SETBP1: variants seen among roughly 807,000 people sequenced by gnomAD.
SETBP1 encodes the protein SET-binding protein.
Under a neutral mutation model 101.0 loss-of-function variants are expected in SETBP1, and 9 were observed. The observed-to-expected ratio is 0.09, with a 90% CI of 0.05 to 0.16. SETBP1 has a LOEUF of 0.16. SETBP1 is among the 10% of genes least tolerant of loss of function. SETBP1 has a pLI of 1.00. For missense variants in SETBP1, 1,858 were observed against 2,033.8 expected, an observed-to-expected ratio of 0.91 and a Z score of 1.66; for synonymous variants, 818 against 788.5, an observed-to-expected ratio of 1.04 and a Z score of -0.63.
At chr18:45,029,190 G>A (rs1214202473) in intron 4 of SETBP1, among the ~76,000 whole-genome samples, 4 of 152,052 alleles carry the variant, frequency 2.6e-5, no homozygotes, top group Admixed American at 6.6e-5. Context: ...ATTTTTGTAT[G>A]TGGTGTAAGG....
intron 2 of SETBP1, among the ~76,000 whole-genome samples, chr18:44,745,471 C>T (rs2070217919): frequency 6.6e-6 from 1 of 151,930 alleles, no homozygotes. Context: ...AGTTTCTTCA[C>T]CAGAAAAAAA....
chr18:44,711,978 C>A (rs1469029252), intron 2 of SETBP1, among the ~76,000 whole-genome samples: 1 of 152,172 alleles, frequency 6.6e-6, no homozygotes, highest in Non-Finnish European at 1.5e-5. Flanking sequence ...CCTGCCTGCC[C>A]CTTCTTCCCT....
chr18:44,874,515 G>A (rs1289694231), intron 3 of SETBP1, among the ~76,000 whole-genome samples: 1 of 152,210 alleles, frequency 6.6e-6, no homozygotes, highest in Non-Finnish European at 1.5e-5. Flanking sequence ...GGGGAATGAA[G>A]GTGGGCTGAG....
At chr18:44,762,547 T>C (rs950627629) in intron 2 of SETBP1, among the ~76,000 whole-genome samples, 4 of 152,210 alleles carry the variant, frequency 2.6e-5, no homozygotes, top group African/African-American at 9.7e-5. Context: ...TATATAGTAT[T>C]ATCTCAATGG....
At chr18:44,982,142 T>C (rs2072128016) in intron 4 of SETBP1, among the ~76,000 whole-genome samples, 1 of 152,248 alleles carries the variant, frequency 6.6e-6, no homozygotes, top group Non-Finnish European at 1.5e-5. Context: ...TCACCATTTG[T>C]GGTTTCACAG....
At chr18:44,846,067 A>G (rs1372952524) in intron 2 of SETBP1, among the ~76,000 whole-genome samples, 3 of 152,196 alleles carry the variant, frequency 2.0e-5, no homozygotes, top group Non-Finnish European at 4.4e-5. Flanking sequence ...ATGGAAAACC[A>G]CATTCTTACC....
In SETBP1 at chr18:44,685,407, G is replaced by A. The variant is rs138706574; in HGVS notation, c.-173+4386G>A. ...AAGGCCAGATAAGCATTTTATCTCC[G>A]TTTAGAGGATGAGGCAACTGATACA... On this transcript the variant is annotated intron_variant, in intron 1 of 5. Coordinates refer to ENST00000649279, the MANE Select transcript of SETBP1 (RefSeq NM_015559.3). Among the ~76,000 whole-genome samples the A allele has an allele frequency of 2.3e-3, 346 of 152,216 alleles. 1 individual carries two copies. Among genetic ancestry groups the A allele is most frequent in the African/African-American group, 7.8e-3 (322 of 41,518 alleles).
intron 2 of SETBP1, among the ~76,000 whole-genome samples, chr18:44,783,359 A>G (rs1158605759): frequency 5.3e-5 from 8 of 152,198 alleles, no homozygotes; most frequent in Admixed American, 5.2e-4. Context: ...TATTTCCATT[A>G]TAATCTGGGG....
chr18:44,937,219 G>C (rs376254997), intron 3 of SETBP1, among the ~76,000 whole-genome samples: 3 of 151,934 alleles, frequency 2.0e-5, no homozygotes, highest in African/African-American at 7.2e-5. Flanking sequence ...TTGGGAGGCC[G>C]AGGCGGGCGG....
chr18:44,946,172 C>T (rs909973166), intron 3 of SETBP1, among the ~76,000 whole-genome samples: 1 of 152,206 alleles, frequency 6.6e-6, no homozygotes, highest in Non-Finnish European at 1.5e-5. Context: ...TCTTAAAGCA[C>T]CATTCCCCCC....
intron 2 of SETBP1, among the ~76,000 whole-genome samples, chr18:44,719,751 CTGG>C (rs1193590900): frequency 4.6e-5 from 7 of 152,368 alleles, no homozygotes; most frequent in African/African-American, 1.7e-4. Context: ...AGATTCCTCT[CTGG>C]CTGGGCCCTG....
intron 1 of SETBP1, among the ~76,000 whole-genome samples, chr18:44,687,119 G>C (rs1358809236): frequency 6.6e-6 from 1 of 152,228 alleles, no homozygotes; most frequent in Non-Finnish European, 1.5e-5. Context: ...AGGCTGAGGA[G>C]GCCGGGTGCA....
intron 3 of SETBP1, among the ~76,000 whole-genome samples, chr18:44,894,215 A>G (rs1394306608): frequency 6.6e-6 from 1 of 152,194 alleles, no homozygotes; most frequent in Non-Finnish European, 1.5e-5. Context: ...AGAACCAGCC[A>G]AAGAATGCAG....
intron 1 of SETBP1, among the ~76,000 whole-genome samples, chr18:44,690,256 A>G (rs2068907285): frequency 6.6e-6 from 1 of 152,374 alleles, no homozygotes; most frequent in South Asian, 2.1e-4. Flanking sequence ...AGGTAGCTAG[A>G]GGAGATATAT....
chr18:44,947,653 T>G (rs994523817), intron 3 of SETBP1, among the ~76,000 whole-genome samples: 5 of 152,060 alleles, frequency 3.3e-5, no homozygotes, highest in African/African-American at 1.2e-4. Context: ...ATTACAGGCA[T>G]GCACCACCAA....
chr18:44,735,226 A>G (rs1343780492), intron 2 of SETBP1, among the ~76,000 whole-genome samples: 3 of 152,224 alleles, frequency 2.0e-5, no homozygotes, highest in Admixed American at 2.0e-4. Flanking sequence ...GCTGAAATCA[A>G]TTGAGGATAC....
chr18:44,734,859 G>A (rs1335850702), intron 2 of SETBP1, among the ~76,000 whole-genome samples: 1 of 152,100 alleles, frequency 6.6e-6, no homozygotes, highest in East Asian at 1.9e-4. Context: ...TTATCTTGGG[G>A]ATAAAGGGTT....
intron 2 of SETBP1, among the ~76,000 whole-genome samples, chr18:44,778,983 C>T (rs532220247): frequency 1.9e-4 from 29 of 152,342 alleles, no homozygotes; most frequent in African/African-American, 7.0e-4. Flanking sequence ...GCTGGTTAAA[C>T]CCTGAGGTGT....
At chr18:44,760,339 A>G (rs190158222) in intron 2 of SETBP1, among the ~76,000 whole-genome samples, 2 of 152,178 alleles carry the variant, frequency 1.3e-5, no homozygotes, top group Non-Finnish European at 2.9e-5. Flanking sequence ...ATGTGTCTGT[A>G]CTTGAAGATG....
Sources: allele counts gnomAD v4.1 joint callset (sites outside exome capture counted in the v4.1 genomes callset), GRCh38; gene constraint gnomAD v4.1.1; transcripts MANE v1.5; gene names NCBI Gene and HGNC (gene_info 2026-07-23, HGNC 2026-07-21).